Variants in ST6GALNAC3 observed in about 807,000 individuals in gnomAD.
ST6GALNAC3 encodes ST6 N-acetylgalactosaminide alpha-2,6-sialyltransferase 3, also known as alpha-N-acetylgalactosaminide alpha-2,6-sialyltransferase 3.
ST6GALNAC3 carries 25 observed loss-of-function variants against 32.7 expected under a neutral mutation model. The ratio of observed to expected loss-of-function variants is 0.76; its 90% CI spans 0.56 to 1.07. ST6GALNAC3 has a LOEUF of 1.07. Among genes scored for constraint, ST6GALNAC3 ranks in the 50% least tolerant of loss-of-function variants. The pLI is 0.00. For missense variants in ST6GALNAC3, 355 were observed against 382.4 expected (o/e 0.93, Z 0.60); for synonymous variants, 129 against 133.1 (o/e 0.97, Z 0.21).
chr1:76,427,195 C>T lies in ST6GALNAC3; in HGVS notation c.623+14778C>T, dbSNP rs1655453307. On this transcript the variant is annotated intron_variant, in intron 3 of 4. Transcript: ENST00000328299. ...AGACCAGGGCAAATCTAGTGACTTT[C>T]TCAAGTCCCACCTCTTGTAGTGAAA... Among the ~76,000 whole-genome samples the T allele has an allele frequency of 1.3e-5, 2 of 152,046 alleles. 1 individual carries two copies. The highest frequency in any genetic ancestry group is 4.1e-4 in the South Asian group (2 of 4,828).
chr1:76,278,223 CTT>C (rs568694243), intron 1 of ST6GALNAC3, among the ~76,000 whole-genome samples: 17 of 113,702 alleles, frequency 1.5e-4, no homozygotes, highest in Admixed American at 1.8e-4. Flanking sequence ...GCTAGGCATT[CTT>C]TTTTTTTTTT....
At chr1:76,184,763 G>A (rs1442636202) in intron 1 of ST6GALNAC3, among the ~76,000 whole-genome samples, 1 of 152,160 alleles carries the variant, frequency 6.6e-6, no homozygotes, top group Non-Finnish European at 1.5e-5. Flanking sequence ...GCTGGACAGA[G>A]GATGCTCATT....
intron 3 of ST6GALNAC3, among the ~76,000 whole-genome samples, chr1:76,483,853 A>G (rs1456180101): frequency 6.6e-6 from 1 of 152,116 alleles, no homozygotes. Context: ...TTATGGTTTT[A>G]GGTCTAACAT....
At chr1:76,091,221 T>C (rs1647040867) in intron 1 of ST6GALNAC3, among the ~76,000 whole-genome samples, 1 of 152,218 alleles carries the variant, frequency 6.6e-6, no homozygotes, top group Admixed American at 6.5e-5. Context: ...ATCAGTCTGT[T>C]TGAAAGTGCT....
chr1:76,577,408 C>A, intron 3 of ST6GALNAC3: 1 of 752,728 alleles, frequency 1.3e-6, no homozygotes, highest in Non-Finnish European at 1.6e-6. Context: ...AAAACGAGCC[C>A]TGATAGTATC....
At chr1:76,564,130 T>C (rs920416253) in intron 3 of ST6GALNAC3, among the ~76,000 whole-genome samples, 7 of 152,190 alleles carry the variant, frequency 4.6e-5, no homozygotes, top group African/African-American at 1.7e-4. Context: ...GCATTGGTTC[T>C]TGTGGAAAAC....
intron 1 of ST6GALNAC3, among the ~76,000 whole-genome samples, chr1:76,075,314 C>T (rs1646799453): frequency 6.6e-6 from 1 of 152,014 alleles, no homozygotes; most frequent in South Asian, 2.1e-4. Context: ...GAAGAGTGAG[C>T]GGAGGTGGGC....
chr1:76,464,515 C>T (rs1241168465), intron 3 of ST6GALNAC3, among the ~76,000 whole-genome samples: 1 of 152,152 alleles, frequency 6.6e-6, no homozygotes, highest in African/African-American at 2.4e-5. Context: ...AGTAGGAGAA[C>T]TTACCACTTT....
chr1:76,143,714 C>T (rs1650491279), intron 1 of ST6GALNAC3, among the ~76,000 whole-genome samples: 1 of 152,094 alleles, frequency 6.6e-6, no homozygotes, highest in African/African-American at 2.4e-5. Flanking sequence ...AAATTGTTAT[C>T]GAATAGCAGT....
At chr1:76,593,527 A>C (rs182881480) in intron 3 of ST6GALNAC3, among the ~76,000 whole-genome samples, 3 of 152,318 alleles carry the variant, frequency 2.0e-5, no homozygotes, top group Admixed American at 2.0e-4. Flanking sequence ...AATTTTGAGA[A>C]ATTGAATGTG....
chr1:76,503,070 C>G (rs1207312169), intron 3 of ST6GALNAC3, among the ~76,000 whole-genome samples: 1 of 152,114 alleles, frequency 6.6e-6, no homozygotes, highest in African/African-American at 2.4e-5. Context: ...ACGGAACTTA[C>G]AAGTTGGGTG....
At chr1:76,205,905 T>A (rs960661376) in intron 1 of ST6GALNAC3, among the ~76,000 whole-genome samples, 1 of 152,206 alleles carries the variant, frequency 6.6e-6, no homozygotes, top group Non-Finnish European at 1.5e-5. Context: ...TGAAATGGAA[T>A]GAAGTTGCCC....
intron 3 of ST6GALNAC3, among the ~76,000 whole-genome samples, chr1:76,623,515 G>C (rs1648772595): frequency 6.6e-6 from 1 of 151,664 alleles, no homozygotes; most frequent in Non-Finnish European, 1.5e-5. Context: ...AAATGTGGAA[G>C]GTAAAAAAAA....
intron 2 of ST6GALNAC3, among the ~76,000 whole-genome samples, chr1:76,370,613 A>AGATTTTTCTTCCT (rs531139320): frequency 1.8e-3 from 275 of 152,278 alleles, no homozygotes; most frequent in African/African-American, 6.1e-3. Context: ...CTGAAGAATC[A>AGATTTTTCTTCCT]GATTTTTCTT....
chr1:76,539,587 C>T (rs1663855312), intron 3 of ST6GALNAC3, among the ~76,000 whole-genome samples: 1 of 151,942 alleles, frequency 6.6e-6, no homozygotes, highest in Non-Finnish European at 1.5e-5. Context: ...GCAACCTGCA[C>T]CATGGGAGAA....
At chr1:76,305,705 A>G (rs1407424000) in intron 1 of ST6GALNAC3, among the ~76,000 whole-genome samples, 1 of 152,124 alleles carries the variant, frequency 6.6e-6, no homozygotes, top group Non-Finnish European at 1.5e-5. Context: ...TTACTAGGAG[A>G]ATATAGTCCA....
intron 3 of ST6GALNAC3, among the ~76,000 whole-genome samples, chr1:76,457,277 C>G (rs1657891372): frequency 6.6e-6 from 1 of 152,072 alleles, no homozygotes; most frequent in Non-Finnish European, 1.5e-5. Flanking sequence ...GGCCATACTG[C>G]CCAAGGTAAT....
intron 1 of ST6GALNAC3, among the ~76,000 whole-genome samples, chr1:76,302,817 A>G (rs1419511675): frequency 1.3e-5 from 2 of 151,982 alleles, no homozygotes; most frequent in East Asian, 1.9e-4. Context: ...TGAACAAAGA[A>G]TTGCACAAAA....
intron 2 of ST6GALNAC3, among the ~76,000 whole-genome samples, chr1:76,398,636 G>A (rs1397989220): frequency 6.6e-6 from 1 of 152,084 alleles, no homozygotes; most frequent in Non-Finnish European, 1.5e-5. Context: ...ATAAAAATTT[G>A]TGTGGTTTGC....
Sources: gnomAD v4.1 joint callset for allele counts (sites outside exome capture counted in the v4.1 genomes callset) on GRCh38, gnomAD v4.1.1 for gene constraint, MANE v1.5 for transcripts, NCBI Gene and HGNC (gene_info 2026-07-23, HGNC 2026-07-21) for gene names.